LINC00237: variants seen among roughly 807,000 people sequenced by gnomAD.
LINC00237 encodes long independently transcribed non-coding RNA 237.
intron 1 of LINC00237, among the ~76,000 whole-genome samples, chr20:21,104,502 C>T (rs1179810633): frequency 6.6e-6 from 1 of 152,248 alleles, no homozygotes; most frequent in Non-Finnish European, 1.5e-5. Flanking sequence ...GTGGCCTCCT[C>T]TCAGGGCCTT....
At chr20:21,102,478 T>C (rs562883843) in intron 1 of LINC00237, among the ~76,000 whole-genome samples, 1 of 152,152 alleles carries the variant, frequency 6.6e-6, no homozygotes, top group African/African-American at 2.4e-5. Flanking sequence ...CAGGACCCAC[T>C]AAGAGGGCCT....
intron 2 of LINC00237, among the ~76,000 whole-genome samples, chr20:21,090,854 G>A (rs2030782359): frequency 6.6e-6 from 1 of 152,130 alleles, no homozygotes; most frequent in African/African-American, 2.4e-5. Flanking sequence ...TTTATCGCCA[G>A]CAAAGGCCTG....
intron 2 of LINC00237, among the ~76,000 whole-genome samples, chr20:21,088,904 T>A (rs772920159): frequency 6.6e-6 from 1 of 152,076 alleles, no homozygotes; most frequent in Non-Finnish European, 1.5e-5. Context: ...GGAATCACTA[T>A]ACGAATACTG....
chr20:21,095,493 G>A (rs1481478127), intron 1 of LINC00237, among the ~76,000 whole-genome samples: 1 of 152,186 alleles, frequency 6.6e-6, no homozygotes, highest in Non-Finnish European at 1.5e-5. Flanking sequence ...AGGATAAAGA[G>A]GAGTACACAC....
At chr20:21,088,495 T>G (rs1185339805) in intron 2 of LINC00237, among the ~76,000 whole-genome samples, 1 of 152,228 alleles carries the variant, frequency 6.6e-6, no homozygotes. Flanking sequence ...TTGCTCCAGC[T>G]ATTCTTTCTC....
At chr20:21,086,284 T>G (rs1249888210) in intron 3 of LINC00237, among the ~76,000 whole-genome samples, 1 of 152,072 alleles carries the variant, frequency 6.6e-6, no homozygotes, top group Non-Finnish European at 1.5e-5. Flanking sequence ...TATAGAGAAC[T>G]GCCTCTCAAC....
chr20:21,090,914 G>A (rs1438371428), intron 2 of LINC00237, among the ~76,000 whole-genome samples: 1 of 152,158 alleles, frequency 6.6e-6, no homozygotes, highest in Non-Finnish European at 1.5e-5. Context: ...CCAATTATGT[G>A]TTATCCGATA....
intron 1 of LINC00237, among the ~76,000 whole-genome samples, chr20:21,100,472 G>A (rs947742562): frequency 2.6e-5 from 4 of 152,256 alleles, no homozygotes; most frequent in Non-Finnish European, 2.9e-5. Context: ...CGGCGTGGAA[G>A]CGCCTCTGCG....
intron 1 of LINC00237, among the ~76,000 whole-genome samples, chr20:21,103,608 A>T (rs560705689): frequency 6.6e-6 from 1 of 152,364 alleles, no homozygotes; most frequent in African/African-American, 2.4e-5. Context: ...AGTGTCTGTG[A>T]GGAGAAGTGA....
intron 1 of LINC00237, among the ~76,000 whole-genome samples, chr20:21,094,271 G>A (rs2030828232): frequency 6.6e-6 from 1 of 152,112 alleles, no homozygotes; most frequent in South Asian, 2.1e-4. Flanking sequence ...CAGCCCTTCT[G>A]GGTCTTTCTT....
intron 1 of LINC00237, among the ~76,000 whole-genome samples, chr20:21,103,897 G>A (rs370077746): frequency 1.3e-5 from 2 of 152,038 alleles, no homozygotes; most frequent in African/African-American, 4.8e-5. Context: ...TTTTCCTTTC[G>A]CAACTTTGGG....
chr20:21,091,638 T>C (rs1262595339), intron 2 of LINC00237, among the ~76,000 whole-genome samples: 6 of 152,184 alleles, frequency 3.9e-5, no homozygotes, highest in Admixed American at 2.0e-4. Flanking sequence ...CCACCAAACA[T>C]TAGGACCGTC....
At chr20:21,099,594 A>G (rs1441877315) in intron 1 of LINC00237, among the ~76,000 whole-genome samples, 1 of 152,002 alleles carries the variant, frequency 6.6e-6, no homozygotes, top group Non-Finnish European at 1.5e-5. Context: ...ACTCCCCAAC[A>G]TATTTCTTCA....
At chr20:21,099,902 TG>T (rs2030907851) in intron 1 of LINC00237, among the ~76,000 whole-genome samples, 2 of 152,214 alleles carry the variant, frequency 1.3e-5, no homozygotes, top group Admixed American at 6.5e-5. Context: ...AGATGTTGTT[TG>T]GCTGAAGAGC....
At chr20:21,105,416 G>A (rs992994663) in intron 1 of LINC00237, among the ~76,000 whole-genome samples, 2 of 152,124 alleles carry the variant, frequency 1.3e-5, no homozygotes, top group Non-Finnish European at 2.9e-5. Flanking sequence ...CTCTCCCTGT[G>A]TCCCGCAAGT....
intron 2 of LINC00237, chr20:21,090,469 T>C (rs1199687302): frequency 6.6e-6 from 1 of 152,196 alleles, no homozygotes; most frequent in Non-Finnish European, 1.5e-5. Flanking sequence ...CAGCTTCAAT[T>C]ACCAGTTTTC....
intron 1 of LINC00237, among the ~76,000 whole-genome samples, chr20:21,097,622 A>G (rs2030877779): frequency 6.6e-6 from 1 of 152,210 alleles, no homozygotes; most frequent in South Asian, 2.1e-4. Flanking sequence ...GTTATTGGAC[A>G]CAACTCATTA....
At chr20:21,098,371 A>C (rs1247455738) in intron 1 of LINC00237, among the ~76,000 whole-genome samples, 2 of 152,248 alleles carry the variant, frequency 1.3e-5, no homozygotes, top group African/African-American at 4.8e-5. Context: ...ATGGGGAAAA[A>C]AACTAATGAA....
chr20:21,092,343 T>TGGA (rs2030804368), intron 2 of LINC00237, among the ~76,000 whole-genome samples: 1 of 152,140 alleles, frequency 6.6e-6, no homozygotes, highest in African/African-American at 2.4e-5. Flanking sequence ...TGGTTGGAAC[T>TGGA]CAGAGAAGGA....
Sources: gnomAD v4.1 joint callset for allele counts (sites outside exome capture counted in the v4.1 genomes callset) on GRCh38, gnomAD v4.1.1 for gene constraint, MANE v1.5 for transcripts, NCBI Gene and HGNC (gene_info 2026-07-23, HGNC 2026-07-21) for gene names.